The following GPHN variants were observed in gnomAD, a reference collection of about 807,000 sequenced individuals.
The protein encoded by GPHN is gephyrin.
GPHN carries 17 observed loss-of-function variants against 95.5 expected under a neutral mutation model. The ratio of observed to expected loss-of-function variants is 0.18; its 90% CI spans 0.12 to 0.27. The LOEUF (loss-of-function observed/expected upper bound fraction) is 0.27. Among genes scored for constraint, GPHN ranks in the 10% least tolerant of loss-of-function variants. GPHN has a pLI of 1.00. For synonymous variants in GPHN, 320 were observed against 322.5 expected, an observed-to-expected ratio of 0.99 and a Z score of 0.08; for missense variants, 660 against 978.1, an observed-to-expected ratio of 0.67 and a Z score of 4.34.
the GPHN span, among the ~76,000 whole-genome samples, chr14:67,497,853 G>A: frequency 1.3e-5 from 2 of 151,890 alleles, no homozygotes; most frequent in South Asian, 2.1e-4. Flanking sequence ...TTACATTCTC[G>A]GTGAGTCTAT....
At chr14:66,690,332 C>G (rs1188580159) in intron 2 of GPHN, among the ~76,000 whole-genome samples, 1 of 152,104 alleles carries the variant, frequency 6.6e-6, no homozygotes, top group Non-Finnish European at 1.5e-5. Flanking sequence ...CCTATATTCT[C>G]ACAGTTTCAG....
chr14:66,593,329 G>A lies in GPHN; in HGVS notation c.64+84738G>A, dbSNP rs114694023. ...AAAAAAAAAAAACAAACAACTGTCC[G>A]ATACTGGGCAATTTATCAATAAAAG... On this transcript the variant is annotated intron_variant, in intron 1 of 22. Transcript: ENST00000478722. Among the ~76,000 whole-genome samples, 660 of 151,422 alleles carry A rather than the reference G, an allele frequency of 4.4e-3. 2 individuals carry two copies. The highest frequency in any genetic ancestry group is 0.015 in the African/African-American group (623 of 41,408).
chr14:67,552,066 TG>T, the GPHN span, among the ~76,000 whole-genome samples: 1 of 152,116 alleles, frequency 6.6e-6, no homozygotes, highest in African/African-American at 2.4e-5. Flanking sequence ...GCTGTACACT[TG>T]GGGGTTAAAT....
At chr14:66,928,413 CTCTTT>C (rs1158553673) in intron 8 of GPHN, among the ~76,000 whole-genome samples, 1 of 152,032 alleles carries the variant, frequency 6.6e-6, no homozygotes, top group Non-Finnish European at 1.5e-5. Flanking sequence ...TGGGTATTCT[CTCTTT>C]TCTTCTTTGG....
the GPHN span, among the ~76,000 whole-genome samples, chr14:67,496,570 GAGA>G: frequency 4.2e-4 from 64 of 152,026 alleles, no homozygotes; most frequent in African/African-American, 1.5e-3. Flanking sequence ...GCTGCTGGAA[GAGA>G]AGTAGACGTG....
chr14:67,027,094 T>C (rs1487396494), intron 10 of GPHN, among the ~76,000 whole-genome samples: 1 of 152,206 alleles, frequency 6.6e-6, no homozygotes, highest in Non-Finnish European at 1.5e-5. Context: ...TAAACAAATA[T>C]CTGATTATCA....
the GPHN span, among the ~76,000 whole-genome samples, chr14:67,665,774 T>C: frequency 5.3e-4 from 80 of 152,268 alleles, no homozygotes; most frequent in African/African-American, 1.8e-3. Flanking sequence ...CATTCATTGT[T>C]GTGTGCCACC....
In GPHN at chr14:66,692,626, A is replaced by G. The variant is rs1487295124; in HGVS notation, c.143+11441A>G. 3.9e-5 allele frequency among the ~76,000 whole-genome samples: 6 copies of G among 152,180 alleles called. No individual in the cohort carries two copies. The East Asian group carries it at 1.2e-3, about 29-fold the overall frequency. ...TTTTTTTCTTATCGAACAGTTTTCT[A>G]TAATATTTGCTATTTCTAATTACCA... On this transcript the variant is annotated intron_variant, in intron 2 of 22. Coordinates refer to ENST00000478722, the MANE Select transcript of GPHN (RefSeq NM_020806.5).
intron 3 of GPHN, among the ~76,000 whole-genome samples, chr14:66,811,310 G>C (rs1365767194): frequency 2.0e-5 from 3 of 152,020 alleles, no homozygotes; most frequent in Non-Finnish European, 2.9e-5. Flanking sequence ...CGTAAAAAAA[G>C]AAAGGATTTG....
At chr14:67,305,307 A>G in the GPHN span, among the ~76,000 whole-genome samples, 1 of 151,418 alleles carries the variant, frequency 6.6e-6, no homozygotes. Flanking sequence ...TTGAGGTGGG[A>G]TCTGGCTCTA....
chr14:67,689,379 G>C, the GPHN span, among the ~76,000 whole-genome samples: 1 of 152,190 alleles, frequency 6.6e-6, no homozygotes, highest in Non-Finnish European at 1.5e-5. Flanking sequence ...AGAGTAGACA[G>C]TGCTAAGGAC....
chr14:66,699,150 C>A (rs1293790308), intron 2 of GPHN, among the ~76,000 whole-genome samples: 2 of 152,128 alleles, frequency 1.3e-5, no homozygotes, highest in Admixed American at 6.5e-5. Context: ...CTTGACCTTT[C>A]AGAATCTTAG....
At chr14:66,636,080 A>G (rs1032563915) in intron 1 of GPHN, among the ~76,000 whole-genome samples, 3 of 152,110 alleles carry the variant, frequency 2.0e-5, no homozygotes, top group African/African-American at 7.2e-5. Flanking sequence ...CTCACTGGTA[A>G]ATTTTCCTTA....
chr14:67,200,540 A>G, the GPHN span: 1 of 245,964 alleles, frequency 4.1e-6, no homozygotes, highest in African/African-American at 2.3e-5. Context: ...AATAAAACTA[A>G]ACTCCTTGTT....
intron 11 of GPHN, among the ~76,000 whole-genome samples, chr14:67,072,620 A>T (rs904884024): frequency 6.6e-6 from 1 of 151,926 alleles, no homozygotes; most frequent in African/African-American, 2.4e-5. Context: ...AATCAACAAT[A>T]CTCTTTCTTA....
chr14:67,707,894 AG>A, the GPHN span, among the ~76,000 whole-genome samples: 3 of 149,622 alleles, frequency 2.0e-5, no homozygotes, highest in Non-Finnish European at 4.5e-5. Context: ...GTGTAGATAA[AG>A]GTAAGAGGCC....
chr14:66,752,481 G>A (rs533909841), intron 2 of GPHN, among the ~76,000 whole-genome samples: 8 of 152,178 alleles, frequency 5.3e-5, no homozygotes, highest in African/African-American at 1.9e-4. Context: ...CAAGGAATAA[G>A]GAGACCCAAG....
chr14:66,808,104 T>C (rs1042154022), intron 3 of GPHN, among the ~76,000 whole-genome samples: 1 of 152,224 alleles, frequency 6.6e-6, no homozygotes, highest in Non-Finnish European at 1.5e-5. Flanking sequence ...CAGCAAAATA[T>C]GTTTTTAAGT....
chr14:67,564,101 C>T, the GPHN span, among the ~76,000 whole-genome samples: 1 of 151,840 alleles, frequency 6.6e-6, no homozygotes, highest in African/African-American at 2.4e-5. Flanking sequence ...CGGGGTTTCA[C>T]CATGTTAGCC....
Sources: allele counts gnomAD v4.1 joint callset (sites outside exome capture counted in the v4.1 genomes callset), GRCh38; gene constraint gnomAD v4.1.1; transcripts MANE v1.5; gene names NCBI Gene and HGNC (gene_info 2026-07-23, HGNC 2026-07-21).